The following SMG7 variants were observed in gnomAD, a reference collection of about 807,000 sequenced individuals.
SMG7 encodes SMG7 nonsense mediated mRNA decay factor.
SMG7 carries 34 observed loss-of-function variants against 148.2 expected under a neutral mutation model. That is an observed-to-expected ratio of 0.23 (90% CI 0.17 to 0.31). The LOEUF is 0.31. SMG7 is among the 10% of genes least tolerant of loss of function. The pLI, the probability that SMG7 is intolerant of heterozygous loss-of-function variation, is 1.00. For synonymous variants in SMG7, 492 were observed against 515.1 expected, an observed-to-expected ratio of 0.96 and a Z score of 0.61; for missense variants, 1,114 against 1,408.4, an observed-to-expected ratio of 0.79 and a Z score of 3.35.
rs200555505 is a variant in SMG7, at chr1:183,529,391, A to G, written c.708-7A>G. ...ATGATTCATGGAATTTTTTTCTTTC[A>G]TTTCAGCCGAGATGAGGTGAAAACC... On this transcript the variant is annotated splice_polypyrimidine_tract_variant and splice_region_variant and intron_variant, in intron 7 of 22. Coordinates refer to ENST00000688051, the MANE Select transcript of SMG7 (RefSeq NM_001375584.1). 2.5e-5 allele frequency: 40 copies of G among 1,602,294 alleles called. No homozygotes were observed. The African/African-American group carries it at 4.5e-4, about 18-fold the overall frequency.
chr1:183,473,755 A>G (rs1000582255), intron 1 of SMG7: 1 of 985,276 alleles, frequency 1.0e-6, no homozygotes, highest in Admixed American at 6.2e-5. Flanking sequence ...TTATGGAAAG[A>G]TGTTTTTTAA....
Position 183,553,372 on chromosome 1 carries a change from G to T in SMG7, c.*1441G>T. The T allele has an allele frequency of 1.4e-6, 1 of 722,112 alleles. No homozygotes were observed. Among genetic ancestry groups the T allele is most frequent in the Admixed American group, 3.0e-5 (1 of 33,854 alleles). The allele number at this position is 722,112 out of a possible 1,614,324, so 44.7% of individuals were successfully genotyped here. A position where few individuals can be genotyped will look rare whatever the true frequency, so the allele number is the denominator to read the frequency against. ...GTGCTAGTGGTAGGGTTTATTTTCT[G>T]GGAGGTCTCTCCTTTGTGTGTCTGT... On this transcript the variant is annotated 3_prime_UTR_variant, in exon 23 of 23. Transcript: ENST00000688051.
chr1:183,537,534 A>AC (rs1350784338), intron 11 of SMG7, among the ~76,000 whole-genome samples: 1 of 152,172 alleles, frequency 6.6e-6, no homozygotes, highest in African/African-American at 2.4e-5. Flanking sequence ...TCAAAGTAAT[A>AC]CTTACTCATC....
intron 4 of SMG7, among the ~76,000 whole-genome samples, chr1:183,518,208 A>G (rs1664005048): frequency 6.6e-6 from 1 of 152,152 alleles, no homozygotes; most frequent in Non-Finnish European, 1.5e-5. Context: ...TCAGCCTACC[A>G]AAGTGCTGGG....
intron 1 of SMG7, among the ~76,000 whole-genome samples, chr1:183,489,188 A>G (rs536629417): frequency 5.3e-4 from 80 of 152,216 alleles, no homozygotes; most frequent in Middle Eastern, 3.4e-3. Flanking sequence ...AATTTTATTT[A>G]ATTCTACTCA....
Position 183,552,508 on chromosome 1 carries a change from T to C in SMG7, c.*577T>C, listed in dbSNP as rs1671227333. 1.0e-6 allele frequency: 1 copy of C among 997,734 alleles called. No homozygotes were observed. The highest frequency in any genetic ancestry group is 1.2e-6 in the Non-Finnish European group (1 of 836,948). The allele number at this position is 997,734 out of a possible 1,614,324, so 61.8% of individuals were successfully genotyped here. A position where few individuals can be genotyped will look rare whatever the true frequency, so the allele number is the denominator to read the frequency against. Reference sequence around the variant, plus strand: ...GTTCACTGCTCCTGTGAGAGGTTGGTGGTGACAGGATGGGGAACCGACCTC... The same window carrying C: ...GTTCACTGCTCCTGTGAGAGGTTGGCGGTGACAGGATGGGGAACCGACCTC... On this transcript the variant is annotated 3_prime_UTR_variant, in exon 23 of 23. Transcript: ENST00000688051.
In SMG7 at chr1:183,553,611, C is replaced by CA; in HGVS notation, c.*1680_*1681insA. 1 of 151,746 alleles carries CA rather than the reference C, an allele frequency of 6.6e-6. No individual in the cohort carries two copies. The highest frequency in any genetic ancestry group is 1.9e-4 in the South Asian group (1 of 5,208). The allele number at this position is 151,746 out of a possible 1,614,324, so 9.4% of individuals were successfully genotyped here. A position where few individuals can be genotyped will look rare whatever the true frequency, so the allele number is the denominator to read the frequency against. ...CTCTTCAGAGAGAGTGGTTGGAGCC[C>CA]CCCCCGCCCCGTATGCTTACATTAT... is the stretch of plus-strand genomic sequence containing the variant. On this transcript the variant is annotated 3_prime_UTR_variant, in exon 23 of 23. Coordinates refer to ENST00000688051, the MANE Select transcript of SMG7 (RefSeq NM_001375584.1).
chr1:183,539,127 G>T (rs559258795), intron 12 of SMG7, among the ~76,000 whole-genome samples: 1 of 152,222 alleles, frequency 6.6e-6, no homozygotes, highest in Admixed American at 6.5e-5. Flanking sequence ...ACTCCAGCCT[G>T]GGTGACAGAG....
Position 183,545,110 on chromosome 1 carries a change from C to T in SMG7, c.2168C>T (p.Pro723Leu), listed in dbSNP as rs1381972293. The T allele has an allele frequency of 6.2e-7, 1 of 1,614,062 alleles. No homozygotes were observed. The highest frequency in any genetic ancestry group is 1.1e-5 in the South Asian group (1 of 91,070). ...CACATTCCTTACAGCCAGCAACGGC[C>T]CTCTGGACCAGGGCCAATGAACCAG... ...QSHIPYSQQR[P>L]SGPGPMNQGP... The change falls in exon 16 of 23, where the codon CCC becomes CTC. Residue 723 changes from proline (P) to leucine (L), a missense_variant. Physicochemically the swap from Pro to Leu is moderately conservative, Grantham distance 98. This residue lies in a region of SMG7 where 788 missense variants were observed against 894.5 expected (regional missense o/e 0.88). Transcript: ENST00000688051.
chr1:183,549,249 A>G lies in SMG7; in HGVS notation c.2934A>G (p.Ser978=), dbSNP rs957003576. The change falls in exon 19 of 23, where the codon TCA becomes TCG. Residue 978 remains serine (S), a synonymous_variant. Transcript: ENST00000688051. The stretch of plus-strand genomic sequence containing the variant: ...AGCCCTCAGAGCTCATGTCACATTC[A>G]TCCTCTTTCCTGTCCCTCACCGGAT... The part of the protein sequence containing the change: ...LEKPSELMSH[S]SSFLSLTGFS... The G allele has an allele frequency of 6.2e-7, 1 of 1,613,762 alleles. No homozygotes were observed. The highest frequency in any genetic ancestry group is 1.3e-5 in the African/African-American group (1 of 74,892).
rs189037655 is a variant in SMG7 at position 183,546,199 on chromosome 1, A to G, written c.2604A>G (p.Glu868=). ...NHNPSEVKVP[E]FYWDSSYSMA... is the part of the protein sequence containing the mutation. Reference sequence around the variant, plus strand: ...ATCCCTCAGAAGTCAAGGTCCCAGAATTCTACTGGGATTCTTCCTACAGCA... The same window carrying G: ...ATCCCTCAGAAGTCAAGGTCCCAGAGTTCTACTGGGATTCTTCCTACAGCA... Residue 868 remains glutamate (E), a synonymous_variant, in exon 17 of 23, where the codon GAA becomes GAG. Coordinates refer to ENST00000688051, the MANE Select transcript of SMG7 (RefSeq NM_001375584.1). 9.1e-5 allele frequency: 147 copies of G among 1,614,098 alleles called. No homozygotes were observed. The East Asian group carries it at 2.7e-3, about 30-fold the overall frequency.
At position 183,550,759 on chromosome 1, in the gene SMG7, A is replaced by G. The variant is rs1670874678; in HGVS notation, c.3142A>G (p.Thr1048Ala). Reference protein sequence around the residue: ...PSLPASSDHSTPASQSPHSSN... With the variant: ...PSLPASSDHSAPASQSPHSSN... ...TTGCTATTATTTAATAGATCATTCAACACCAGCCAGCCAGTCTCCTCATTC... is the reference window on the plus strand; with the variant it reads ...TTGCTATTATTTAATAGATCATTCAGCACCAGCCAGCCAGTCTCCTCATTC... The change falls in exon 21 of 23, where the codon ACA (threonine) becomes GCA (alanine). Residue 1048 changes from threonine to alanine, a missense_variant. Thr to Ala is a moderately conservative substitution (Grantham distance 58). Around this residue, in one of 4 missense-constraint regions of SMG7, gnomAD observed 788 missense variants for 894.5 expected, o/e 0.88. Coordinates refer to ENST00000688051, the MANE Select transcript of SMG7 (RefSeq NM_001375584.1). 4.3e-6 allele frequency: 7 copies of G among 1,613,994 alleles called. No homozygotes were observed. The highest frequency in any genetic ancestry group is 5.9e-6 in the Non-Finnish European group (7 of 1,179,914).
intron 6 of SMG7, among the ~76,000 whole-genome samples, 175 bp downstream of exon 6, chr1:183,528,202 CAAGT>C (rs1423038759): frequency 1.3e-5 from 2 of 151,994 alleles, no homozygotes; most frequent in South Asian, 2.1e-4. Context: ...ATTTTTTTTA[CAAGT>C]AAGATGACTT....
At position 183,533,741 on chromosome 1, in the gene SMG7, G is replaced by T; in HGVS notation, c.1072G>T (p.Ala358Ser). The T allele has an allele frequency of 6.2e-7, 1 of 1,612,718 alleles. No homozygotes were observed. Among genetic ancestry groups the T allele is most frequent in the Non-Finnish European group, 8.5e-7 (1 of 1,179,510 alleles). The change falls in exon 10 of 23, where the codon GCC becomes TCC. Residue 358 changes from alanine (A) to serine (S), a missense_variant. By Grantham distance (99) the Ala-to-Ser change is moderately conservative (BLOSUM62 1). This residue lies in a region of SMG7 where 102 missense variants were observed against 147.2 expected (regional missense o/e 0.69). Transcript: ENST00000688051. ...QNESQEESYN[A>S]YPLPAVKVSM... ...TGAGTCTCAGGAGGAGTCCTACAAT[G>T]CCTATCCTCTTCCAGCAGTCAAGGT... is the stretch of plus-strand genomic sequence containing the variant.
intron 2 of SMG7, 69 bp from the exon 3 acceptor site, chr1:183,515,805 G>A: frequency 1.1e-6 from 1 of 876,730 alleles, no homozygotes; most frequent in Admixed American, 1.9e-5. Flanking sequence ...GGAGTCACTG[G>A]TGTGGTATAA....
rs757787584 is a variant in SMG7 at position 183,553,608 on chromosome 1, G to GTC, written c.*1677_*1678insTC. 37 of 128,564 alleles carry GTC rather than the reference G, an allele frequency of 2.9e-4. 1 individual carries two copies. The highest frequency in any genetic ancestry group is 4.9e-4 in the Non-Finnish European group (29 of 59,426). The allele number at this position is 128,564 out of a possible 1,614,324, so 8.0% of individuals were successfully genotyped here. A position where few individuals can be genotyped will look rare whatever the true frequency, so the allele number is the denominator to read the frequency against. On this transcript the variant is annotated 3_prime_UTR_variant, in exon 23 of 23. Coordinates refer to ENST00000688051, the MANE Select transcript of SMG7 (RefSeq NM_001375584.1). ...TTGCTCTTCAGAGAGAGTGGTTGGA[G>GTC]CCCCCCCCGCCCCGTATGCTTACAT... is the stretch of plus-strand genomic sequence containing the variant.
At chr1:183,509,102 A>G (rs973644610) in intron 1 of SMG7, among the ~76,000 whole-genome samples, 2 of 152,182 alleles carry the variant, frequency 1.3e-5, no homozygotes, top group Non-Finnish European at 2.9e-5. Flanking sequence ...CTGCCTTGGT[A>G]GCTGAAAACA....
chr1:183,514,223 A>AG lies in SMG7; in HGVS notation c.61+1355_61+1356insG, dbSNP rs1361636890. On this transcript the variant is annotated intron_variant, in intron 2 of 22. Transcript: ENST00000688051. ...GTTCTGCAGTGAAATTCACAAAAAA[A>AG]AAAAAAAAAAGAATTAAACAGCATA... is the stretch of plus-strand genomic sequence containing the variant. Among the ~76,000 whole-genome samples the AG allele has an allele frequency of 1.3e-4, 19 of 151,860 alleles. No individual in the cohort carries two copies. The South Asian group carries it at 3.9e-3, about 32-fold the overall frequency.
intron 4 of SMG7, among the ~76,000 whole-genome samples, chr1:183,520,223 G>C (rs1326783664): frequency 6.6e-6 from 1 of 151,872 alleles, no homozygotes; most frequent in African/African-American, 2.4e-5. Flanking sequence ...AATGATTACA[G>C]GTTGATATTT....
Sources: allele counts gnomAD v4.1 joint callset (sites outside exome capture counted in the v4.1 genomes callset), GRCh38; gene constraint gnomAD v4.1.1; regional missense constraint gnomAD v4.1.1; transcripts MANE v1.5; gene names NCBI Gene and HGNC (gene_info 2026-07-23, HGNC 2026-07-21).